Variants in TYW1B observed in about 807,000 individuals in gnomAD.
The protein encoded by TYW1B is S-adenosyl-L-methionine-dependent tRNA 4-demethylwyosine synthase TYW1B.
A neutral mutation model predicts 86.9 loss-of-function variants in TYW1B; 73 were observed. That is an observed-to-expected ratio of 0.84 (90% CI 0.70 to 1.02). The LOEUF (loss-of-function observed/expected upper bound fraction) is 1.02. Among genes scored for constraint, TYW1B ranks in the 50% least tolerant of loss-of-function variants. TYW1B has a pLI of 0.00. For missense variants in TYW1B, 637 were observed against 827.4 expected, an observed-to-expected ratio of 0.77 and a Z score of 2.82; for synonymous variants, 248 against 292.8, an observed-to-expected ratio of 0.85 and a Z score of 1.56.
At chr7:72,733,273 C>T (rs1421164139) in intron 8 of TYW1B, among the ~76,000 whole-genome samples, 10 of 151,770 alleles carry the variant, frequency 6.6e-5, no homozygotes, top group African/African-American at 1.5e-4. Flanking sequence ...CAGTATTATA[C>T]GAGGCCAGTA....
intron 11 of TYW1B, among the ~76,000 whole-genome samples, chr7:72,686,677 C>T (rs1175747546): frequency 1.3e-5 from 2 of 152,098 alleles, no homozygotes; most frequent in African/African-American, 4.8e-5. Context: ...ACAACCACAA[C>T]AATGAACCCT....
chr7:72,690,297 T>TC (rs1386744736), intron 11 of TYW1B, among the ~76,000 whole-genome samples: 2 of 94,948 alleles, frequency 2.1e-5, no homozygotes, highest in Non-Finnish European at 5.3e-5. Context: ...GATATATTTC[T>TC]CTTTTTTTAA....
chr7:72,776,676 AATT>A (rs1787961449), intron 7 of TYW1B, among the ~76,000 whole-genome samples: 1 of 17,400 alleles, frequency 5.7e-5, no homozygotes, highest in Non-Finnish European at 2.4e-4. Context: ...AAAATGAATT[AATT>A]TGAAAGAACA....
intron 12 of TYW1B, among the ~76,000 whole-genome samples, chr7:72,618,181 A>G (rs1554437264): frequency 1.3e-5 from 2 of 150,022 alleles, no homozygotes; most frequent in African/African-American, 4.9e-5. Context: ...TAAAGACAGG[A>G]CACACACACA....
intron 9 of TYW1B, among the ~76,000 whole-genome samples, 197 bp downstream of exon 9, chr7:72,728,625 A>G (rs1188209235): frequency 6.6e-6 from 1 of 152,152 alleles, no homozygotes; most frequent in African/African-American, 2.4e-5. Context: ...CTACATTTTA[A>G]ATTTTTAGTT....
Position 72,722,847 on chromosome 7 carries a change from T to G in TYW1B, c.1192+5975A>C, listed in dbSNP as rs1585930587. 7.2e-6 allele frequency: 4 copies of G among 556,246 alleles called. No homozygotes were observed. The Admixed American group carries it at 1.1e-4, about 16-fold the overall frequency. The allele number at this position is 556,246 out of a possible 1,614,324, so 34.5% of individuals were successfully genotyped here. On this transcript the variant is annotated intron_variant, in intron 9 of 13. Coordinates refer to ENST00000620995, the MANE Select transcript of TYW1B (RefSeq NM_001145440.3). Reference sequence around the variant, plus strand: ...GAACTCACACTAGAAAGCAAAGGACTCTCCAAGCCAGAGTGAGGTAAATAA... The same window carrying G: ...GAACTCACACTAGAAAGCAAAGGACGCTCCAAGCCAGAGTGAGGTAAATAA...
intron 11 of TYW1B, among the ~76,000 whole-genome samples, chr7:72,667,801 G>A (rs1188594714): frequency 6.6e-6 from 1 of 152,220 alleles, no homozygotes; most frequent in South Asian, 2.1e-4. Flanking sequence ...ATTTGGAAGA[G>A]ATGTCTGTTC....
intron 11 of TYW1B, among the ~76,000 whole-genome samples, chr7:72,665,337 A>T (rs1554445077): frequency 6.6e-6 from 1 of 152,222 alleles, no homozygotes; most frequent in African/African-American, 2.4e-5. Context: ...CGTCTGTTCA[A>T]TGTCAAAGAA....
intron 2 of TYW1B, among the ~76,000 whole-genome samples, chr7:72,818,578 C>CAAAAAA (rs57325230): frequency 5.2e-5 from 2 of 38,376 alleles, no homozygotes; most frequent in South Asian, 1.1e-3. Context: ...GACTCCATCT[C>CAAAAAA]AAAAAAAAAA....
At chr7:72,781,998 T>A (rs1344797529) in intron 6 of TYW1B, among the ~76,000 whole-genome samples, 1 of 152,214 alleles carries the variant, frequency 6.6e-6, no homozygotes, top group Non-Finnish European at 1.5e-5. Context: ...TATCATATAA[T>A]ACTGGTTGGG....
In TYW1B at chr7:72,746,688, A is replaced by C. The variant is rs1554463875; in HGVS notation, c.965-2087T>G. On this transcript the variant is annotated intron_variant, in intron 7 of 13. Coordinates refer to ENST00000620995, the MANE Select transcript of TYW1B (RefSeq NM_001145440.3). ...TTATAAGAACAGGAAGAGAGACCAG[A>C]GATCTCTCTGCACGTGCACAGAGGA... Among the ~76,000 whole-genome samples the C allele has an allele frequency of 2.0e-5, 3 of 152,284 alleles. No individual in the cohort carries two copies. In the South Asian group the frequency reaches 6.2e-4, roughly 32 times the overall value.
intron 13 of TYW1B, among the ~76,000 whole-genome samples, chr7:72,601,751 GA>G (rs782093005): frequency 1.9e-3 from 203 of 108,830 alleles, no homozygotes; most frequent in East Asian, 3.2e-3. Flanking sequence ...ATTGCTAAGT[GA>G]AAAAAAAAAA....
chr7:72,659,028 T>C (rs1164680813), intron 11 of TYW1B, among the ~76,000 whole-genome samples: 1 of 151,806 alleles, frequency 6.6e-6, no homozygotes, highest in Non-Finnish European at 1.5e-5. Flanking sequence ...CCCATAAACA[T>C]AAGATTTAAA....
chr7:72,629,586 G>A (rs1475585252), intron 11 of TYW1B, among the ~76,000 whole-genome samples: 1 of 151,948 alleles, frequency 6.6e-6, no homozygotes, highest in African/African-American at 2.4e-5. Flanking sequence ...TCGCTCTGTT[G>A]TCCAGGCTGG....
chr7:72,706,719 G>A (rs1464785735), intron 10 of TYW1B, among the ~76,000 whole-genome samples: 1 of 152,180 alleles, frequency 6.6e-6, no homozygotes, highest in Non-Finnish European at 1.5e-5. Context: ...GACAAGAGGA[G>A]TGTGGGAAAC....
chr7:72,751,564 G>T (rs1554465078), intron 7 of TYW1B, among the ~76,000 whole-genome samples: 2 of 152,176 alleles, frequency 1.3e-5, no homozygotes, highest in African/African-American at 2.4e-5. Context: ...ATTTGTAACT[G>T]ATGGCTGAAG....
chr7:72,810,663 C>T lies in TYW1B; in HGVS notation c.240G>A (p.Val80=), dbSNP rs1249885181. The T allele has an allele frequency of 6.9e-6, 11 of 1,600,480 alleles. No homozygotes were observed. The highest frequency in any genetic ancestry group is 9.4e-6 in the Non-Finnish European group (11 of 1,172,534). The part of the protein sequence containing the change: ...YDPDDHLIEE[V]TSKNVCVFLV... ...GGAAGACACAGACATTTTTACTAGT[C>T]ACCTAACCAAGAAAGTAATTGTTTC... The change falls in exon 4 of 14, where the codon GTG becomes GTA. Residue 80 remains valine (V), a splice_region_variant and synonymous_variant. Coordinates refer to ENST00000620995, the MANE Select transcript of TYW1B (RefSeq NM_001145440.3).
chr7:72,827,379 G>A (rs1788952733), intron 1 of TYW1B, among the ~76,000 whole-genome samples: 1 of 152,192 alleles, frequency 6.6e-6, no homozygotes, highest in African/African-American at 2.4e-5. Flanking sequence ...CCGCACTCCA[G>A]CCTGGGCGAC....
chr7:72,817,260 C>T (rs1181388918), intron 2 of TYW1B, among the ~76,000 whole-genome samples: 2 of 151,926 alleles, frequency 1.3e-5, no homozygotes, highest in Non-Finnish European at 2.9e-5. Flanking sequence ...AAAAATTAGC[C>T]GGGAGTGGTG....
Sources: allele counts gnomAD v4.1 joint callset (sites outside exome capture counted in the v4.1 genomes callset), GRCh38; gene constraint gnomAD v4.1.1; transcripts MANE v1.5; gene names NCBI Gene and HGNC (gene_info 2026-07-23, HGNC 2026-07-21).